PRUNE2: variants seen among roughly 807,000 people sequenced by gnomAD.
PRUNE2 encodes protein prune homolog 2.
Under a neutral mutation model 252.0 loss-of-function variants are expected in PRUNE2, and 164 were observed. The ratio of observed to expected loss-of-function variants is 0.65; its 90% confidence interval spans 0.57 to 0.74. PRUNE2 has a LOEUF of 0.74. PRUNE2 is among the 30% of genes least tolerant of loss of function. The probability of loss-of-function intolerance (pLI) is 0.00; values close to 1 mark genes in which losing one functional copy is unlikely to be tolerated. For missense variants in PRUNE2, 3,495 were observed against 3,711.0 expected (o/e 0.94, Z 1.51); for synonymous variants, 1,292 against 1,350.2 (o/e 0.96, Z 0.94).
intron 4 of PRUNE2, among the ~76,000 whole-genome samples, chr9:76,834,805 A>G (rs983207081): frequency 6.6e-6 from 1 of 152,144 alleles, no homozygotes; most frequent in Non-Finnish European, 1.5e-5. Flanking sequence ...TATCCCAGGA[A>G]CTCATCTTTG....
Position 76,708,723 on chromosome 9 carries a change from T to C in PRUNE2, c.3551A>G (p.Gln1184Arg). ...AGAGGCAGGGAGCTCCCAATCTACC[T>C]GATTTGCTTCCTGATACTCCAAGCC... is the stretch of plus-strand genomic sequence containing the variant. ...PWGLEYQEAN[Q>R]VDWELPASDE... Residue 1184 changes from glutamine (Q) to arginine (R), a missense_variant, in exon 8 of 19, where the codon CAG becomes CGG. Gln to Arg is a conservative substitution (Grantham distance 43). Transcript: ENST00000376718. 6.2e-7 allele frequency: 1 copy of C among 1,614,008 alleles called. No homozygotes were observed. Among genetic ancestry groups the C allele is most frequent in the Non-Finnish European group, 8.5e-7 (1 of 1,179,882 alleles).
intron 6 of PRUNE2, among the ~76,000 whole-genome samples, chr9:76,822,217 G>A (rs2058073075): frequency 6.6e-6 from 1 of 152,102 alleles, no homozygotes; most frequent in South Asian, 2.1e-4. Context: ...GTCATATGGA[G>A]CACTTATCAA....
chr9:76,854,090 C>G lies in PRUNE2; in HGVS notation c.141+14G>C. ...AATTCAAAATATAAGGAGTATTACC[C>G]TTTTTTCCCTCACCTTGTCTAGAAA... On this transcript the variant is annotated intron_variant, in intron 2 of 18. Coordinates refer to ENST00000376718, the MANE Select transcript of PRUNE2 (RefSeq NM_015225.3). 3 of 1,382,610 alleles carry G rather than the reference C, an allele frequency of 2.2e-6. No homozygotes were observed. Among genetic ancestry groups the G allele is most frequent in the Non-Finnish European group, 3.1e-6 (3 of 981,510 alleles). The allele number at this position is 1,382,610 out of a possible 1,614,324, so 85.6% of individuals were successfully genotyped here.
chr9:76,639,326 G>A (rs923380892), intron 12 of PRUNE2, among the ~76,000 whole-genome samples: 13 of 151,888 alleles, frequency 8.6e-5, no homozygotes, highest in South Asian at 2.1e-4. Context: ...CCTTGTCCCC[G>A]CTAAAAATAC....
At chr9:76,845,798 T>C (rs1047195225) in intron 4 of PRUNE2, among the ~76,000 whole-genome samples, 5 of 152,226 alleles carry the variant, frequency 3.3e-5, no homozygotes, top group African/African-American at 1.2e-4. Flanking sequence ...AAATGCTTTA[T>C]ACAAAAACCA....
intron 1 of PRUNE2, among the ~76,000 whole-genome samples, chr9:76,877,713 G>T (rs7025219): frequency 1.3e-5 from 2 of 152,146 alleles, no homozygotes; most frequent in Non-Finnish European, 2.9e-5. Context: ...ATCGGTGAAT[G>T]AATAATCTGC....
chr9:76,626,297 C>A (rs553875993), intron 16 of PRUNE2, among the ~76,000 whole-genome samples: 17 of 152,274 alleles, frequency 1.1e-4, no homozygotes, highest in African/African-American at 4.1e-4. Context: ...TTCATTTAAG[C>A]CCTTTGATGA....
At chr9:76,851,433 A>G (rs2059953391) in intron 2 of PRUNE2, among the ~76,000 whole-genome samples, 1 of 152,046 alleles carries the variant, frequency 6.6e-6, no homozygotes, top group South Asian at 2.1e-4. Context: ...CTGTAGTCCC[A>G]GCTACTTGGG....
At position 76,711,147 on chromosome 9, in the gene PRUNE2, G is replaced by T; in HGVS notation, c.1127C>A (p.Ala376Asp). Residue 376 changes from alanine (A) to aspartate (D), a missense_variant, in exon 8 of 19, where the codon GCC becomes GAC. By Grantham distance (126) the Ala-to-Asp change is moderately radical. Coordinates refer to ENST00000376718, the MANE Select transcript of PRUNE2 (RefSeq NM_015225.3). ...CCCAGAAGACCCCTGGGAGAGGGGG[G>T]CACTGCCTGCCACGGCTTCTGTTGA... ...TSSTEAVAGS[A>D]PLSQGSSGIM... 1.2e-6 allele frequency: 2 copies of T among 1,613,902 alleles called. No homozygotes were observed. The highest frequency in any genetic ancestry group is 2.2e-5 in the South Asian group (2 of 91,058).
chr9:76,670,084 C>T (rs1053992119), intron 9 of PRUNE2, among the ~76,000 whole-genome samples: 9 of 152,188 alleles, frequency 5.9e-5, no homozygotes, highest in African/African-American at 2.2e-4. Context: ...CAGTCTACAG[C>T]TCCCAGCGTG....
chr9:76,678,062 A>C (rs2042917548), intron 9 of PRUNE2, among the ~76,000 whole-genome samples: 1 of 144,872 alleles, frequency 6.9e-6, no homozygotes, highest in East Asian at 1.9e-4. Flanking sequence ...TTTGTGAAGC[A>C]TCATATATTA....
intron 6 of PRUNE2, among the ~76,000 whole-genome samples, chr9:76,751,545 T>A (rs1290336936): frequency 6.6e-6 from 1 of 152,242 alleles, no homozygotes; most frequent in Admixed American, 6.5e-5. Flanking sequence ...CTGATTTCCT[T>A]CTGCCCTTGT....
intron 3 of PRUNE2, among the ~76,000 whole-genome samples, chr9:76,848,194 A>G (rs112887643): frequency 0.088 from 13,428 of 152,140 alleles, 830 homozygotes; most frequent in African/African-American, 0.18. Flanking sequence ...AACCTCGGAG[A>G]TGGAGGCTGC....
chr9:76,615,387 T>C (rs1828958779), intron 18 of PRUNE2: 1 of 256,722 alleles, frequency 3.9e-6, no homozygotes, highest in South Asian at 1.5e-4. Context: ...AGCCATAAGC[T>C]TGCATGTTGC....
chr9:76,811,168 A>C (rs989696145), intron 6 of PRUNE2, among the ~76,000 whole-genome samples: 22 of 152,230 alleles, frequency 1.4e-4, no homozygotes, highest in African/African-American at 5.3e-4. Context: ...TTAAACCATC[A>C]AAATGACATT....
chr9:76,877,976 A>G (rs866169299), intron 1 of PRUNE2, among the ~76,000 whole-genome samples: 2 of 152,206 alleles, frequency 1.3e-5, no homozygotes, highest in Non-Finnish European at 2.9e-5. Flanking sequence ...TAGCAGTGGT[A>G]GTGTTATCAA....
At chr9:76,630,096 C>A (rs1397752245) in intron 15 of PRUNE2, among the ~76,000 whole-genome samples, 1 of 152,028 alleles carries the variant, frequency 6.6e-6, no homozygotes, top group Admixed American at 6.6e-5. Flanking sequence ...TCCTGCTACT[C>A]TGAATAGTCA....
intron 4 of PRUNE2, among the ~76,000 whole-genome samples, chr9:76,831,163 T>C (rs2058654088): frequency 6.6e-6 from 1 of 152,024 alleles, no homozygotes; most frequent in African/African-American, 2.4e-5. Context: ...TCTCCTGACC[T>C]TGTGATCCGC....
At chr9:76,700,041 G>A (rs2045745612) in intron 9 of PRUNE2, 1 of 152,214 alleles carries the variant, frequency 6.6e-6, no homozygotes. Flanking sequence ...TGATCCTAGG[G>A]AACATGAATG....
Sources: allele counts gnomAD v4.1 joint callset (sites outside exome capture counted in the v4.1 genomes callset), GRCh38; gene constraint gnomAD v4.1.1; transcripts MANE v1.5; gene names NCBI Gene and HGNC (gene_info 2026-07-23, HGNC 2026-07-21).